UGT1A6: variants seen among roughly 807,000 people sequenced by gnomAD.
The protein encoded by UGT1A6 is UDP-glucuronosyltransferase 1A6.
UGT1A6 carries 32 observed loss-of-function variants against 44.4 expected under a neutral mutation model. That is an observed-to-expected ratio of 0.72 (90% CI 0.54 to 0.97). UGT1A6 has a LOEUF of 0.97. UGT1A6 is among the 50% of genes least tolerant of loss of function. UGT1A6 has a pLI of 0.00. For synonymous variants in UGT1A6, 238 were observed against 248.5 expected (o/e 0.96, Z 0.40); for missense variants, 685 against 661.9 (o/e 1.03, Z -0.38).
intron 4 of UGT1A6, 143 bp downstream of exon 4, chr2:233,768,582 CTTTTT>C: frequency 1.9e-3 from 1,917 of 1,027,810 alleles, no homozygotes; most frequent in East Asian, 5.4e-3. Flanking sequence ...TTTATTTCTT[CTTTTT>C]TTTTTTTTTT....
chr2:233,726,131 A>C (rs190150615), intron 1 of UGT1A6, among the ~76,000 whole-genome samples: 156 of 152,186 alleles, frequency 1.0e-3, no homozygotes, highest in African/African-American at 3.6e-3. Flanking sequence ...ACACCACCTC[A>C]CTCCAGCCCG....
chr2:233,708,242 T>G (rs2076009398), intron 1 of UGT1A6, among the ~76,000 whole-genome samples: 1 of 152,244 alleles, frequency 6.6e-6, no homozygotes, highest in Admixed American at 6.5e-5. Flanking sequence ...AATGTATAAG[T>G]GTACACTTTC....
intron 1 of UGT1A6, among the ~76,000 whole-genome samples, chr2:233,706,279 T>C (rs923894303): frequency 6.6e-6 from 1 of 151,976 alleles, no homozygotes; most frequent in Admixed American, 6.6e-5. Context: ...ACCTCAGGGG[T>C]GGGGCCCAGT....
rs562671697 is a variant in UGT1A6, at chr2:233,715,584, C to A, written c.861+21719C>A. On this transcript the variant is annotated intron_variant, in intron 1 of 4. Transcript: ENST00000305139. The stretch of plus-strand genomic sequence containing the variant: ...CCCAGGAGTCTGAGAGCAGCCTGGG[C>A]AACATGCTGAGACTCCATCTCTACA... 7.4e-4 allele frequency among the ~76,000 whole-genome samples: 112 copies of A among 152,108 alleles called. 1 individual carries two copies. Among genetic ancestry groups the A allele is most frequent in the African/African-American group, 2.5e-3 (104 of 41,484 alleles).
rs1303936700 is a variant in UGT1A6 at position 233,693,563 on chromosome 2, G to T, written c.559G>T (p.Asp187Tyr). The T allele has an allele frequency of 6.2e-7, 1 of 1,614,216 alleles. No homozygotes were observed. Among genetic ancestry groups the T allele is most frequent in the Non-Finnish European group, 8.5e-7 (1 of 1,180,024 alleles). The change falls in exon 1 of 5, where the codon GAC becomes TAC. Residue 187 changes from aspartate (D) to tyrosine (Y), a missense_variant. Physicochemically the swap from Asp to Tyr is radical, Grantham distance 160 (BLOSUM62 -3). Transcript: ENST00000305139. ...SLEHTFSRSP[D>Y]PVSYIPRCYT... ...GGAGCATACATTCAGCAGAAGCCCA[G>T]ACCCTGTGTCCTACATTCCCAGGTG...
intron 1 of UGT1A6, among the ~76,000 whole-genome samples, chr2:233,720,641 G>C (rs1280167515): frequency 6.6e-6 from 1 of 151,852 alleles, no homozygotes; most frequent in Non-Finnish European, 1.5e-5. Context: ...AGTACTCTGG[G>C]ATGTGAAAAA....
Position 233,693,063 on chromosome 2 carries a change from T to C in UGT1A6, c.59T>C (p.Leu20Pro). Residue 20 changes from leucine (L) to proline (P), a missense_variant, in exon 1 of 5, where the codon CTT (leucine) becomes CCT (proline). Leu to Pro is a moderately conservative substitution (Grantham distance 98). Coordinates refer to ENST00000305139, the MANE Select transcript of UGT1A6 (RefSeq NM_001072.4). ...RISAGVFFLA[L>P]WGMVVGDKLL... ...TCTGCAGGGGTTTTCTTCTTAGCAC[T>C]TTGGGGCATGGTTGTAGGTGACAAG... is the stretch of plus-strand genomic sequence containing the variant. The C allele has an allele frequency of 6.2e-7, 1 of 1,614,188 alleles. No individual in the cohort carries two copies. Among genetic ancestry groups the C allele is most frequent in the Admixed American group, 1.7e-5 (1 of 60,028 alleles).
chr2:233,713,717 G>T, intron 1 of UGT1A6: 1 of 1,613,946 alleles, frequency 6.2e-7, no homozygotes, highest in Non-Finnish European at 8.5e-7. Flanking sequence ...TTCAGAGAGA[G>T]GTGTCAGTGG....
Position 233,693,427 on chromosome 2 carries a change from GA to G in UGT1A6, c.424del (p.Ser142AlafsTer16), listed in dbSNP as rs1412381412. The part of the protein sequence containing the change: ...DRDTLNFFKE[S>X]KFDALFTDPA... ...GGGACACCCTGAACTTCTTTAAGGA[GA>G]GCAAGTTTGATGCTCTTTTCACAGA... On this transcript the variant is annotated frameshift_variant, in exon 1 of 5. Coordinates refer to ENST00000305139, the MANE Select transcript of UGT1A6 (RefSeq NM_001072.4). LOFTEE classifies it high-confidence loss of function. The G allele has an allele frequency of 6.2e-7, 1 of 1,614,130 alleles. No homozygotes were observed. The highest frequency in any genetic ancestry group is 8.5e-7 in the Non-Finnish European group (1 of 1,180,016).
chr2:233,713,030 C>T, intron 1 of UGT1A6: 1 of 1,613,910 alleles, frequency 6.2e-7, no homozygotes, highest in Non-Finnish European at 8.5e-7. Context: ...CGCAGCTGGC[C>T]ACAGGACTGC....
intron 1 of UGT1A6, among the ~76,000 whole-genome samples, chr2:233,703,677 A>T (rs2075747505): frequency 6.6e-6 from 1 of 151,838 alleles, no homozygotes; most frequent in Admixed American, 6.6e-5. Flanking sequence ...TTCATGATAT[A>T]TTTTTTTTCC....
chr2:233,760,155 C>T (rs2125979369), intron 1 of UGT1A6: 1 of 1,487,916 alleles, frequency 6.7e-7, no homozygotes, highest in Admixed American at 2.1e-5. Flanking sequence ...GAACTCCCTG[C>T]TACCTTTGTG....
At chr2:233,702,346 AT>A (rs1310993956) in intron 1 of UGT1A6, among the ~76,000 whole-genome samples, 1 of 152,068 alleles carries the variant, frequency 6.6e-6, no homozygotes, top group African/African-American at 2.4e-5. Context: ...ATTTGTTCTA[AT>A]AGTTTTTTTT....
intron 1 of UGT1A6, among the ~76,000 whole-genome samples, chr2:233,694,985 A>T (rs550950022): frequency 2.0e-5 from 3 of 152,288 alleles, no homozygotes; most frequent in Admixed American, 2.0e-4. Context: ...TTATGTTGGG[A>T]ACATTCCCAT....
chr2:233,729,131 C>T, intron 1 of UGT1A6: 1 of 1,613,182 alleles, frequency 6.2e-7, no homozygotes, highest in Non-Finnish European at 8.5e-7. Flanking sequence ...GCTGAGATGG[C>T]CACAGGACTC....
Position 233,747,094 on chromosome 2 carries a change from A to G in UGT1A6, c.862-19940A>G, listed in dbSNP as rs1052530336. 1.0e-5 allele frequency: 13 copies of G among 1,281,570 alleles called. No homozygotes were observed. The African/African-American group carries it at 1.2e-4, about 12-fold the overall frequency. The allele number at this position is 1,281,570 out of a possible 1,614,324, so 79.4% of individuals were successfully genotyped here. Reference sequence around the variant, plus strand: ...TAATTAACTAGGAGGAGAGCACTCTATCTTCCAATTACATGATGATTTGCT... The same window carrying G: ...TAATTAACTAGGAGGAGAGCACTCTGTCTTCCAATTACATGATGATTTGCT... On this transcript the variant is annotated intron_variant, in intron 1 of 4. Coordinates refer to ENST00000305139, the MANE Select transcript of UGT1A6 (RefSeq NM_001072.4).
intron 1 of UGT1A6, among the ~76,000 whole-genome samples, chr2:233,725,254 CA>C (rs1559370489): frequency 1.4e-5 from 1 of 71,856 alleles, no homozygotes; most frequent in Non-Finnish European, 2.5e-5. Flanking sequence ...GCAGAGGAGG[CA>C]GAGGCAGAGG....
chr2:233,724,525 T>G (rs2077275879), intron 1 of UGT1A6, among the ~76,000 whole-genome samples: 2 of 90,906 alleles, frequency 2.2e-5, no homozygotes, highest in African/African-American at 4.9e-5. Flanking sequence ...CCAGATGGGG[T>G]CTCGCCGGGC....
At chr2:233,704,889 T>G (rs2075811828) in intron 1 of UGT1A6, among the ~76,000 whole-genome samples, 1 of 152,064 alleles carries the variant, frequency 6.6e-6, no homozygotes, top group South Asian at 2.1e-4. Flanking sequence ...ATCCCAGCAC[T>G]TTGGAAGGCT....
Sources: gnomAD v4.1 joint callset for allele counts (sites outside exome capture counted in the v4.1 genomes callset) on GRCh38, gnomAD v4.1.1 for gene constraint, MANE v1.5 for transcripts, NCBI Gene and HGNC (gene_info 2026-07-23, HGNC 2026-07-21) for gene names.